ACYP2: variants seen among roughly 807,000 people sequenced by gnomAD.
The protein encoded by ACYP2 is acylphosphatase 2.
Under a neutral mutation model 11.2 loss-of-function variants are expected in ACYP2, and 12 were observed. The observed-to-expected ratio is 1.08, with a 90% CI of 0.69 to 1.74. The LOEUF (loss-of-function observed/expected upper bound fraction) is 1.74. Among genes scored for constraint, ACYP2 ranks in the 40% most tolerant of loss-of-function variants. The pLI is 0.00. For synonymous variants in ACYP2, 43 were observed against 32.2 expected (o/e 1.33, Z -1.13); for missense variants, 134 against 101.9 (o/e 1.31, Z -1.35).
chr2:54,169,674 G>C (rs1316857890), intron 6 of ACYP2, among the ~76,000 whole-genome samples: 1 of 152,078 alleles, frequency 6.6e-6, no homozygotes, highest in Admixed American at 6.5e-5. Context: ...AAAGGCCCAT[G>C]AAACTTACGG....
intron 6 of ACYP2, among the ~76,000 whole-genome samples, chr2:54,300,025 A>ACCTTACCTC (rs1270757487): frequency 6.6e-6 from 1 of 152,184 alleles, no homozygotes; most frequent in Non-Finnish European, 1.5e-5. Flanking sequence ...TCATTAAATT[A>ACCTTACCTC]CCTTACCTCC....
intron 6 of ACYP2, among the ~76,000 whole-genome samples, chr2:54,260,583 G>C (rs912289621): frequency 6.6e-6 from 1 of 152,134 alleles, no homozygotes; most frequent in Non-Finnish European, 1.5e-5. Context: ...TCAGTGAAAA[G>C]GTGGTCTGAT....
At chr2:54,254,842 C>G in intron 6 of ACYP2, 1 of 1,422,578 alleles carries the variant, frequency 7.0e-7, no homozygotes, top group Non-Finnish European at 9.5e-7. Context: ...AAGGGCATAC[C>G]TAATGCTGTT....
At chr2:54,301,250 G>A (rs538308750) in intron 6 of ACYP2, among the ~76,000 whole-genome samples, 11 of 152,178 alleles carry the variant, frequency 7.2e-5, no homozygotes, top group Non-Finnish European at 1.3e-4. Flanking sequence ...TTTCTGTCAG[G>A]CTTAAATTGG....
rs796711709 is a variant in ACYP2, at chr2:54,161,702, G to A, written c.404+22954G>A. Among the ~76,000 whole-genome samples the A allele has an allele frequency of 3.9e-5, 6 of 152,206 alleles. 1 individual carries two copies. The highest frequency in any genetic ancestry group is 1.4e-4 in the African/African-American group (6 of 41,552). ...GGTTACAGACATTATGAAAAAGTCA[G>A]TTCTCTTTTACATGAACAGTATTAC... is the stretch of plus-strand genomic sequence containing the variant. On this transcript the variant is annotated intron_variant, in intron 6 of 6. Transcript: ENST00000607452.
intron 4 of ACYP2, among the ~76,000 whole-genome samples, chr2:54,099,619 T>C (rs1241602158): frequency 1.3e-5 from 2 of 152,248 alleles, no homozygotes; most frequent in Admixed American, 6.5e-5. Context: ...ATTTCCTTCT[T>C]TGTTAACACT....
intron 2 of ACYP2, among the ~76,000 whole-genome samples, chr2:53,981,760 G>A (rs918395849): frequency 1.3e-5 from 2 of 152,100 alleles, no homozygotes; most frequent in Non-Finnish European, 2.9e-5. Flanking sequence ...AGAAACAATA[G>A]GCTACACCAT....
chr2:54,291,847 A>G (rs1689320816), intron 6 of ACYP2, among the ~76,000 whole-genome samples: 1 of 152,178 alleles, frequency 6.6e-6, no homozygotes, highest in Admixed American at 6.5e-5. Context: ...AAGGCTTGAA[A>G]TTGGGTCATA....
At chr2:54,166,188 A>G (rs1431310813) in intron 6 of ACYP2, among the ~76,000 whole-genome samples, 1 of 152,152 alleles carries the variant, frequency 6.6e-6, no homozygotes, top group Non-Finnish European at 1.5e-5. Flanking sequence ...GTTGTCAGAG[A>G]GCACCCAGAG....
chr2:54,240,179 G>A (rs1686672475), intron 6 of ACYP2, among the ~76,000 whole-genome samples: 2 of 152,184 alleles, frequency 1.3e-5, no homozygotes, highest in South Asian at 2.1e-4. Context: ...TGCCCATAGA[G>A]TCTGTAGCTT....
At chr2:54,115,387 C>G (rs1008875613) in intron 4 of ACYP2, 8 of 569,258 alleles carry the variant, frequency 1.4e-5, no homozygotes, top group African/African-American at 1.0e-4. Flanking sequence ...ACTTTGAGAA[C>G]AGAGTACCTT....
chr2:54,012,667 T>C (rs1029915886), intron 2 of ACYP2, among the ~76,000 whole-genome samples: 1 of 152,200 alleles, frequency 6.6e-6, no homozygotes, highest in African/African-American at 2.4e-5. Flanking sequence ...CTGTTACTCG[T>C]CTGATCTACA....
intron 4 of ACYP2, among the ~76,000 whole-genome samples, chr2:54,086,692 C>T (rs144382969): frequency 5.9e-4 from 89 of 151,780 alleles, no homozygotes; most frequent in African/African-American, 2.0e-3. Context: ...TGTGTGCACG[C>T]GCGCGCTAGT....
chr2:54,069,859 A>G (rs139959404), intron 4 of ACYP2, among the ~76,000 whole-genome samples: 2 of 152,350 alleles, frequency 1.3e-5, no homozygotes, highest in African/African-American at 4.8e-5. Context: ...GTTTAAAAAC[A>G]TTAGTCACTA....
At chr2:54,094,532 T>TTGTGTG (rs112696039) in intron 4 of ACYP2, among the ~76,000 whole-genome samples, 1 of 112,922 alleles carries the variant, frequency 8.9e-6, no homozygotes, top group African/African-American at 3.4e-5. Context: ...CCCGGCCCAG[T>TTGTGTG]TGTGTGTGTG....
At chr2:54,227,962 A>C (rs1572962823) in intron 6 of ACYP2, among the ~76,000 whole-genome samples, 1 of 152,202 alleles carries the variant, frequency 6.6e-6, no homozygotes, top group Non-Finnish European at 1.5e-5. Flanking sequence ...AGAAAGCTAA[A>C]CCCCAGCTGC....
chr2:53,993,540 A>G (rs938544040), intron 2 of ACYP2, among the ~76,000 whole-genome samples: 3 of 151,648 alleles, frequency 2.0e-5, no homozygotes, highest in Non-Finnish European at 4.4e-5. Flanking sequence ...TCTACTAAAA[A>G]TACAAAATTA....
chr2:53,976,483 AG>A (rs1671498621), intron 2 of ACYP2, among the ~76,000 whole-genome samples: 1 of 152,236 alleles, frequency 6.6e-6, no homozygotes, highest in African/African-American at 2.4e-5. Flanking sequence ...CTGGGATTAC[AG>A]GGGTTAGCCA....
At chr2:54,168,755 T>G (rs76980209) in intron 6 of ACYP2, among the ~76,000 whole-genome samples, 3,123 of 152,310 alleles carry the variant, frequency 0.021, 93 homozygotes, top group African/African-American at 0.071. Context: ...TGGGAAAATG[T>G]AAAATGGATG....
Sources: gnomAD v4.1 joint callset for allele counts (sites outside exome capture counted in the v4.1 genomes callset) on GRCh38, gnomAD v4.1.1 for gene constraint, MANE v1.5 for transcripts, NCBI Gene and HGNC (gene_info 2026-07-23, HGNC 2026-07-21) for gene names.